ARG1: variants seen among roughly 807,000 people sequenced by gnomAD.
The protein encoded by ARG1 is arginase-1.
In ARG1, 20 loss-of-function variants were observed where a neutral mutation model predicts 33.0. The ratio of observed to expected loss-of-function variants is 0.61; its 90% confidence interval spans 0.43 to 0.88. The LOEUF (loss-of-function observed/expected upper bound fraction) is 0.88, where lower values mean the gene tolerates loss of function less well. Ranked by LOEUF, ARG1 falls within the 40% of genes least tolerant of loss-of-function variation. ARG1 has a pLI of 0.00. For synonymous variants in ARG1, 146 were observed against 140.6 expected (o/e 1.04, Z -0.27); for missense variants, 374 against 384.7 (o/e 0.97, Z 0.23).
At chr6:131,577,127 C>T (rs1214616052) in intron 2 of ARG1, among the ~76,000 whole-genome samples, 1 of 152,140 alleles carries the variant, frequency 6.6e-6, no homozygotes, top group Non-Finnish European at 1.5e-5. Flanking sequence ...ATGATAATAA[C>T]AACAGCGCCT....
Position 131,583,445 on chromosome 6 carries a change from G to C in ARG1, c.756G>C (p.Leu252=). The change falls in exon 7 of 8, where the codon CTG becomes CTC. Residue 252 remains leucine (L), a synonymous_variant. Transcript: ENST00000368087. The stretch of plus-strand genomic sequence containing the variant: ...CTGGCACACCAGTCGTGGGAGGTCT[G>C]ACATACAGAGAAGGTCTCTACATCA... ...PATGTPVVGG[L]TYREGLYITE... 6.2e-7 allele frequency: 1 copy of C among 1,614,102 alleles called. No homozygotes were observed. Among genetic ancestry groups the C allele is most frequent in the Non-Finnish European group, 8.5e-7 (1 of 1,179,984 alleles).
At chr6:131,578,147 G>A (rs976115722) in intron 2 of ARG1, among the ~76,000 whole-genome samples, 1 of 148,736 alleles carries the variant, frequency 6.7e-6, no homozygotes, top group Non-Finnish European at 1.5e-5. Context: ...GTTAAAATTA[G>A]TGAGTTTTAG....
chr6:131,577,522 A>G (rs1223122279), intron 2 of ARG1, among the ~76,000 whole-genome samples: 1 of 152,178 alleles, frequency 6.6e-6, no homozygotes, highest in African/African-American at 2.4e-5. Context: ...TAACCAAAAA[A>G]TGGAAACAGC....
intron 1 of ARG1, chr6:131,573,963 G>A (rs1035753293): frequency 4.2e-5 from 16 of 378,580 alleles, no homozygotes; most frequent in African/African-American, 2.6e-4. Context: ...ATCCTACTGC[G>A]GGTTGGCAAC....
At chr6:131,574,068 T>C in intron 1 of ARG1, 1 of 600,160 alleles carries the variant, frequency 1.7e-6, no homozygotes, top group Non-Finnish European at 3.0e-6. Context: ...AATACACTTT[T>C]TTTTCTGCCT....
intron 2 of ARG1, among the ~76,000 whole-genome samples, chr6:131,578,631 G>C (rs76742143): frequency 0.02 from 3,004 of 151,578 alleles, 118 homozygotes; most frequent in African/African-American, 0.07. Context: ...TTGTGTGTCT[G>C]TGTGTGTGTG....
chr6:131,575,200 C>T (rs1773555799), intron 1 of ARG1, among the ~76,000 whole-genome samples: 1 of 152,026 alleles, frequency 6.6e-6, no homozygotes, highest in Non-Finnish European at 1.5e-5. Flanking sequence ...GAGCTTTGTT[C>T]TAAAATATGA....
intron 2 of ARG1, among the ~76,000 whole-genome samples, chr6:131,577,883 G>A (rs547659026): frequency 4.2e-5 from 6 of 144,508 alleles, no homozygotes; most frequent in South Asian, 2.2e-4. Context: ...CAACCTGGGC[G>A]ACAGAGCGAG....
intron 3 of ARG1, among the ~76,000 whole-genome samples, chr6:131,580,676 T>A (rs1427869500): frequency 6.6e-6 from 1 of 152,210 alleles, no homozygotes; most frequent in Non-Finnish European, 1.5e-5. Context: ...TTGAATAGAA[T>A]GAGTGAACAC....
chr6:131,577,936 C>G (rs187362616), intron 2 of ARG1, among the ~76,000 whole-genome samples: 1 of 151,190 alleles, frequency 6.6e-6, no homozygotes, highest in South Asian at 2.1e-4. Context: ...AGGAATGGAC[C>G]GCAAACACAG....
At chr6:131,580,284 C>A (rs942992343) in intron 3 of ARG1, among the ~76,000 whole-genome samples, 4 of 152,100 alleles carry the variant, frequency 2.6e-5, no homozygotes, top group Non-Finnish European at 5.9e-5. Flanking sequence ...GGCTCGCTTT[C>A]TTTGTTAAGT....
Position 131,582,938 on chromosome 6 carries a change from G to GAGTT in ARG1, c.561-119_561-116dup. 3 of 804,116 alleles carry GAGTT rather than the reference G, an allele frequency of 3.7e-6. No homozygotes were observed. The East Asian group carries it at 8.0e-5, about 22-fold the overall frequency. 49.8% of individuals were successfully genotyped at this position (804,116 alleles called of 1,614,324 possible). On this transcript the variant is annotated intron_variant, in intron 5 of 7. Coordinates refer to ENST00000368087, the MANE Select transcript of ARG1 (RefSeq NM_000045.4). ...AAATAAATACAAATAAAACTATATT[G>GAGTT]AGTTAGGTTCATAGAACCTAAATGT... is the stretch of plus-strand genomic sequence containing the variant.
At chr6:131,578,204 A>G (rs1319557883) in intron 2 of ARG1, among the ~76,000 whole-genome samples, 1 of 146,620 alleles carries the variant, frequency 6.8e-6, no homozygotes, top group Admixed American at 6.8e-5. Flanking sequence ...AAAAAAAAAG[A>G]CAAATACAGA....
chr6:131,583,559 G>A, intron 7 of ARG1, 68 bp downstream of exon 7: 1 of 1,457,442 alleles, frequency 6.9e-7, no homozygotes, highest in Admixed American at 2.2e-5. Context: ...ATACCTCCTT[G>A]ACCTGAAACC....
chr6:131,583,579 C>G, intron 7 of ARG1, 88 bp downstream of exon 7: 3 of 1,561,674 alleles, frequency 1.9e-6, no homozygotes, highest in Non-Finnish European at 2.6e-6. Flanking sequence ...CAAGTCCCAG[C>G]TGACACTTTC....
At chr6:131,580,382 G>C (rs1773858018) in intron 3 of ARG1, among the ~76,000 whole-genome samples, 2 of 152,178 alleles carry the variant, frequency 1.3e-5, no homozygotes, top group African/African-American at 4.8e-5. Flanking sequence ...TGAACGTTAA[G>C]GCATTATTGC....
In ARG1 at chr6:131,577,861, G is replaced by A. The variant is rs148013696; in HGVS notation, c.130+1126G>A. Among the ~76,000 whole-genome samples, 119 of 146,846 alleles carry A rather than the reference G, an allele frequency of 8.1e-4. 1 individual carries two copies. The East Asian group carries it at 0.019, about 23-fold the overall frequency. On this transcript the variant is annotated intron_variant, in intron 2 of 7. Transcript: ENST00000368087. ...AGAGGTTGCAGTGAGCTGAGATTGCGCCACTGCACCCCAACCTGGGCGACA... is the reference window on the plus strand; with the variant it reads ...AGAGGTTGCAGTGAGCTGAGATTGCACCACTGCACCCCAACCTGGGCGACA...
Position 131,583,727 on chromosome 6 carries a change from A to T in ARG1, c.803-15A>T. 1 of 1,611,806 alleles carries T rather than the reference A, an allele frequency of 6.2e-7. No individual in the cohort carries two copies. On this transcript the variant is annotated splice_polypyrimidine_tract_variant and intron_variant, in intron 7 of 7. Transcript: ENST00000368087. ...ACTATTTTATAAATTACATTATTAC[A>T]ATTTGTTGTTGTAGGGCTACTCTCA...
In ARG1 at chr6:131,579,112, G is replaced by A; in HGVS notation, c.132G>A (p.Glu44=). The change falls in exon 3 of 8, where the codon GAG becomes GAA. Residue 44 remains glutamate (E), a splice_region_variant and synonymous_variant. Transcript: ENST00000368087. The part of the protein sequence containing the change: ...AGLLEKLKEQ[E]CDVKDYGDLP... ...TAACTCAAAACTTTTTAATTTTAGAGTGTGATGTGAAGGATTATGGGGACC... is the reference window on the plus strand; with the variant it reads ...TAACTCAAAACTTTTTAATTTTAGAATGTGATGTGAAGGATTATGGGGACC... The A allele has an allele frequency of 6.2e-7, 1 of 1,614,068 alleles. No individual in the cohort carries two copies.
Sources: allele counts gnomAD v4.1 joint callset (sites outside exome capture counted in the v4.1 genomes callset), GRCh38; gene constraint gnomAD v4.1.1; transcripts MANE v1.5; gene names NCBI Gene and HGNC (gene_info 2026-07-23, HGNC 2026-07-21).